The following ERG variants were observed in gnomAD, a reference collection of about 807,000 sequenced individuals.
ERG encodes the protein ETS transcription factor ERG.
Under a neutral mutation model 55.3 loss-of-function variants are expected in ERG, and 9 were observed. The observed-to-expected ratio is 0.16, with a 90% CI of 0.10 to 0.28. The LOEUF (loss-of-function observed/expected upper bound fraction) is 0.28. Ranked by LOEUF, ERG falls within the 10% of genes least tolerant of loss-of-function variation. ERG has a pLI of 1.00. For missense variants in ERG, 434 were observed against 631.6 expected, an observed-to-expected ratio of 0.69 and a Z score of 3.35; for synonymous variants, 223 against 237.3, an observed-to-expected ratio of 0.94 and a Z score of 0.55.
intron 1 of ERG, among the ~76,000 whole-genome samples, chr21:38,496,020 A>G (rs751448543): frequency 3.5e-4 from 53 of 152,330 alleles, no homozygotes; most frequent in Middle Eastern, 6.8e-3. Context: ...ATTCACAGAC[A>G]CTTAGAGATA....
chr21:38,453,471 C>A (rs765645242), intron 1 of ERG, among the ~76,000 whole-genome samples: 1 of 152,218 alleles, frequency 6.6e-6, no homozygotes, highest in Non-Finnish European at 1.5e-5. Flanking sequence ...GCAGAATAAA[C>A]CTCGAATGCA....
intron 1 of ERG, among the ~76,000 whole-genome samples, chr21:38,458,989 G>T (rs139335962): frequency 6.6e-6 from 1 of 152,110 alleles, no homozygotes; most frequent in African/African-American, 2.4e-5. Flanking sequence ...CTTTTCTTTG[G>T]CTTCCATATT....
intron 1 of ERG, among the ~76,000 whole-genome samples, chr21:38,475,493 A>G (rs901083466): frequency 6.6e-6 from 1 of 152,154 alleles, no homozygotes; most frequent in Non-Finnish European, 1.5e-5. Flanking sequence ...AGATTATAAG[A>G]GGATGTGCTG....
intron 2 of ERG, among the ~76,000 whole-genome samples, chr21:38,559,160 C>A (rs2059876586): frequency 6.6e-6 from 1 of 152,092 alleles, no homozygotes; most frequent in Admixed American, 6.5e-5. Flanking sequence ...ACAGAGAGAT[C>A]AGGAGCAGAA....
intron 2 of ERG, among the ~76,000 whole-genome samples, chr21:38,574,154 A>G (rs983769449): frequency 1.3e-5 from 2 of 152,166 alleles, no homozygotes; most frequent in African/African-American, 4.8e-5. Flanking sequence ...TATTGTCTCA[A>G]CTTCCCTATG....
chr21:38,373,003 C>T, the ERG span, among the ~76,000 whole-genome samples: 1 of 152,068 alleles, frequency 6.6e-6, no homozygotes, highest in Non-Finnish European at 1.5e-5. Context: ...TCTGCTCTAT[C>T]CATAGATCCT....
intron 2 of ERG, among the ~76,000 whole-genome samples, chr21:38,426,922 C>T (rs546280668): frequency 0.012 from 1,018 of 86,882 alleles, 15 homozygotes; most frequent in African/African-American, 0.043. Flanking sequence ...AAGAGCAAGA[C>T]TCCATGTCAA....
the ERG span, among the ~76,000 whole-genome samples, chr21:38,370,648 T>G: frequency 1.3e-5 from 2 of 152,062 alleles, no homozygotes; most frequent in African/African-American, 2.4e-5. Flanking sequence ...TATAAAGATT[T>G]CTAGTTGTTT....
intron 2 of ERG, among the ~76,000 whole-genome samples, chr21:38,539,317 T>C (rs1388552109): frequency 6.6e-6 from 1 of 152,180 alleles, no homozygotes; most frequent in East Asian, 1.9e-4. Flanking sequence ...AAATATATGC[T>C]GGATTTGGAA....
rs1474093558 is a variant in ERG, at chr21:38,383,437, C to G, written c.1406G>C (p.Ser469Thr). Reference sequence around the variant, plus strand: ...AGTGCCCAGATGAGAAGGCATATGGCTGGTGGGGAGCCTAGTGTTGGGGTA... The same window carrying G: ...AGTGCCCAGATGAGAAGGCATATGGGTGGTGGGGAGCCTAGTGTTGGGGTA... Reference protein sequence around the residue: ...GIYPNTRLPTSHMPSHLGTYY With the variant: ...GIYPNTRLPTTHMPSHLGTYY The change falls in exon 10 of 10, where the codon AGC becomes ACC. Residue 469 changes from serine to threonine, a missense_variant. By Grantham distance (58) the Ser-to-Thr change is moderately conservative (BLOSUM62 1). Transcript: ENST00000288319. This position sits in a 1 kb window ranked among gnomAD's most constrained non-coding sequence, Gnocchi z 5.7. 1 of 1,514,590 alleles carries G rather than the reference C, an allele frequency of 6.6e-7. No individual in the cohort carries two copies. The highest frequency in any genetic ancestry group is 1.4e-5 in the African/African-American group (1 of 71,638). 93.8% of individuals were successfully genotyped at this position (1,514,590 alleles called of 1,614,324 possible). A position where few individuals can be genotyped will look rare whatever the true frequency, so the allele number is the denominator to read the frequency against.
At chr21:38,649,570 T>C (rs1006801144) in intron 1 of ERG, among the ~76,000 whole-genome samples, 15 of 152,244 alleles carry the variant, frequency 9.9e-5, no homozygotes, top group Non-Finnish European at 1.3e-4. Context: ...AAGTGAATTA[T>C]TTAAGAAGCC....
At chr21:38,425,685 T>A (rs928725) in intron 2 of ERG, among the ~76,000 whole-genome samples, 7,898 of 152,294 alleles carry the variant, frequency 0.052, 664 homozygotes, top group African/African-American at 0.18. Flanking sequence ...TATCCCAGTG[T>A]TTCTGGTTGT....
chr21:38,606,233 A>C (rs2146919986), intron 1 of ERG, among the ~76,000 whole-genome samples: 1 of 152,332 alleles, frequency 6.6e-6, no homozygotes, highest in South Asian at 2.1e-4. Context: ...ATAGGCAGAT[A>C]GATAATTGAT....
chr21:38,490,902 AAGAAATAC>A (rs1014350720), intron 1 of ERG, among the ~76,000 whole-genome samples: 4 of 152,224 alleles, frequency 2.6e-5, no homozygotes, highest in Non-Finnish European at 5.9e-5. Context: ...GGATGCCACG[AAGAAATAC>A]AGAGTACCAA....
At chr21:38,488,720 T>C (rs1333511581) in intron 1 of ERG, among the ~76,000 whole-genome samples, 2 of 152,210 alleles carry the variant, frequency 1.3e-5, no homozygotes, top group East Asian at 1.9e-4. Flanking sequence ...AGGCCTTCCA[T>C]TGAATCTCAA....
chr21:38,420,440 C>T (rs1989492707), intron 3 of ERG, among the ~76,000 whole-genome samples: 1 of 152,132 alleles, frequency 6.6e-6, no homozygotes, highest in Admixed American at 6.6e-5. Context: ...TGAATAACTG[C>T]CTACACTGGC....
At position 38,445,598 on chromosome 21, in the gene ERG, C is replaced by T. The variant is rs757203419; in HGVS notation, c.42G>A (p.Glu14=). ...AGGCACACTCAAACAACGACTGGTCCTCACTCACAACTGATAAGGCTTCCT... is the reference window on the plus strand; with the variant it reads ...AGGCACACTCAAACAACGACTGGTCTTCACTCACAACTGATAAGGCTTCCT... ...TIKEALSVVS[E]DQSLFECAYG... The change falls in exon 2 of 10, where the codon GAG becomes GAA. Residue 14 remains glutamate (E), a synonymous_variant. Coordinates refer to ENST00000288319, the MANE Select transcript of ERG (RefSeq NM_182918.4). 2 of 1,613,938 alleles carry T rather than the reference C, an allele frequency of 1.2e-6. No individual in the cohort carries two copies. The highest frequency in any genetic ancestry group is 2.7e-5 in the African/African-American group (2 of 74,904).
intron 2 of ERG, among the ~76,000 whole-genome samples, chr21:38,513,169 T>C (rs1323534253): frequency 6.6e-6 from 1 of 152,050 alleles, no homozygotes; most frequent in African/African-American, 2.4e-5. Flanking sequence ...AATTAGACTT[T>C]ATAGAATACA....
intron 1 of ERG, among the ~76,000 whole-genome samples, chr21:38,452,317 A>G (rs771015070): frequency 5.3e-5 from 8 of 152,190 alleles, no homozygotes; most frequent in Admixed American, 6.5e-5. Flanking sequence ...GCAAATACAT[A>G]CATGCGCAAA....
Sources: gnomAD v4.1 joint callset for allele counts (sites outside exome capture counted in the v4.1 genomes callset) on GRCh38, gnomAD v4.1.1 for gene constraint, Gnocchi (gnomAD v3.1) non-coding constraint, MANE v1.5 for transcripts, NCBI Gene and HGNC (gene_info 2026-07-23, HGNC 2026-07-21) for gene names.